TMEM236: variants seen among roughly 807,000 people sequenced by gnomAD.
The protein encoded by TMEM236 is transmembrane protein 236, also known as family with sequence similarity 23, member A.
A neutral mutation model predicts 14.7 loss-of-function variants in TMEM236; 11 were observed. The ratio of observed to expected loss-of-function variants is 0.75; its 90% CI spans 0.47 to 1.24. The LOEUF (loss-of-function observed/expected upper bound fraction) is 1.24, where lower values mean the gene tolerates loss of function less well. Ranked by LOEUF, TMEM236 falls within the 50% of genes most tolerant of loss-of-function variation. TMEM236 has a pLI of 0.00. For synonymous variants in TMEM236, 182 were observed against 168.6 expected, an observed-to-expected ratio of 1.08 and a Z score of -0.62; for missense variants, 464 against 427.3, an observed-to-expected ratio of 1.09 and a Z score of -0.76.
chr10:17,766,625 C>T (rs989759029), intron 1 of TMEM236, among the ~76,000 whole-genome samples: 3 of 152,184 alleles, frequency 2.0e-5, no homozygotes, highest in African/African-American at 7.2e-5. Flanking sequence ...AACTCCAAAG[C>T]CACTTCTACA....
intron 1 of TMEM236, among the ~76,000 whole-genome samples, chr10:17,768,760 T>TGTGG (rs1406545867): frequency 2.0e-4 from 30 of 151,470 alleles, no homozygotes; most frequent in African/African-American, 7.3e-4. Context: ...TGTGTGTGTG[T>TGTGG]GCCTGTATGT....
At chr10:17,766,107 T>C (rs1425946636) in intron 1 of TMEM236, among the ~76,000 whole-genome samples, 1 of 152,246 alleles carries the variant, frequency 6.6e-6, no homozygotes, top group Non-Finnish European at 1.5e-5. Context: ...AGCCTGAGAA[T>C]TTGTCAAATC....
chr10:17,778,669 G>A (rs1837696745), intron 3 of TMEM236, among the ~76,000 whole-genome samples: 1 of 152,152 alleles, frequency 6.6e-6, no homozygotes, highest in South Asian at 2.1e-4. Context: ...ATGCATACAT[G>A]TCTGTCAGCT....
At chr10:17,758,770 C>A (rs1837317014) in intron 1 of TMEM236, among the ~76,000 whole-genome samples, 1 of 151,952 alleles carries the variant, frequency 6.6e-6, no homozygotes, top group African/African-American at 2.4e-5. Flanking sequence ...AGTAATATTC[C>A]TCGATTTTGG....
Position 17,768,086 on chromosome 10 carries a change from G to GTTTTTTTTTTTTTTTTTTTTT in TMEM236, c.258-3221_258-3201dup, listed in dbSNP as rs879036347. ...CCACCACACCTCGCTAATTTTTGTG[G>GTTTTTTTTTTTTTTTTTTTTT]TTTTTTTTTTTTTTTTTTTTTTGTA... On this transcript the variant is annotated intron_variant, in intron 1 of 3. Transcript: ENST00000377495. Among the ~76,000 whole-genome samples the GTTTTTTTTTTTTTTTTTTTTT allele has an allele frequency of 5.1e-4, 47 of 92,010 alleles. 1 individual carries two copies. Among genetic ancestry groups the GTTTTTTTTTTTTTTTTTTTTT allele is most frequent in the Non-Finnish European group, 6.5e-4 (30 of 46,478 alleles). The allele number at this position is 92,010 out of a possible 152,430, so 60.4% of individuals were successfully genotyped here. A position where few individuals can be genotyped will look rare whatever the true frequency, so the allele number is the denominator to read the frequency against.
intron 3 of TMEM236, among the ~76,000 whole-genome samples, chr10:17,782,233 A>G (rs1262130401): frequency 2.0e-5 from 3 of 152,118 alleles, no homozygotes; most frequent in Admixed American, 6.6e-5. Context: ...TTTCTTTCCA[A>G]TGTTGCATTT....
Position 17,798,388 on chromosome 10 carries a change from A to C in TMEM236, c.*1884A>C. ...ATTCTACCTCTACAAAAAATACAAA[A>C]ATTAGCTGGGCATGGTGATCTGCAA... On this transcript the variant is annotated 3_prime_UTR_variant, in exon 4 of 4. Coordinates refer to ENST00000377495, the MANE Select transcript of TMEM236 (RefSeq NM_001098844.3). The C allele has an allele frequency of 2.8e-6, 1 of 360,848 alleles. No homozygotes were observed. Among genetic ancestry groups the C allele is most frequent in the South Asian group, 2.1e-5 (1 of 46,928 alleles). The allele number at this position is 360,848 out of a possible 1,614,324, so 22.4% of individuals were successfully genotyped here.
At chr10:17,754,437 AC>A (rs1837253685) in intron 1 of TMEM236, among the ~76,000 whole-genome samples, 1 of 151,810 alleles carries the variant, frequency 6.6e-6, no homozygotes, top group African/African-American at 2.4e-5. Context: ...TGATCCTCCT[AC>A]CTCGACCTCC....
At chr10:17,764,069 T>C (rs943798112) in intron 1 of TMEM236, among the ~76,000 whole-genome samples, 4 of 152,216 alleles carry the variant, frequency 2.6e-5, no homozygotes, top group Admixed American at 6.5e-5. Context: ...ATGTTAATAC[T>C]AGATTTTGGA....
intron 3 of TMEM236, among the ~76,000 whole-genome samples, chr10:17,787,842 A>C (rs1837864211): frequency 6.6e-6 from 1 of 152,170 alleles, no homozygotes; most frequent in African/African-American, 2.4e-5. Context: ...TCCATTATGC[A>C]TCAGTTTCTG....
intron 1 of TMEM236, 100 bp downstream of exon 1, chr10:17,752,652 C>A (rs1402993515): frequency 3.3e-6 from 4 of 1,207,988 alleles, no homozygotes; most frequent in Non-Finnish European, 4.9e-6. Context: ...CTGCAACGTC[C>A]GCCTCCTGGG....
chr10:17,798,577 C>T lies in TMEM236; in HGVS notation c.*2073C>T. The T allele has an allele frequency of 1.9e-6, 1 of 534,422 alleles. No individual in the cohort carries two copies. Among genetic ancestry groups the T allele is most frequent in the South Asian group, 1.4e-5 (1 of 71,574 alleles). The allele number at this position is 534,422 out of a possible 1,614,324, so 33.1% of individuals were successfully genotyped here. On this transcript the variant is annotated 3_prime_UTR_variant, in exon 4 of 4. Coordinates refer to ENST00000377495, the MANE Select transcript of TMEM236 (RefSeq NM_001098844.3). ...GAATTTGACGTTGTGTTATTCTACG[C>T]TCCACCAAATACCTCTCCCCTTGCC... is the stretch of plus-strand genomic sequence containing the variant.
intron 3 of TMEM236, among the ~76,000 whole-genome samples, chr10:17,792,355 T>C (rs2131767400): frequency 6.6e-6 from 1 of 152,344 alleles, no homozygotes; most frequent in East Asian, 1.9e-4. Flanking sequence ...CCCAAAGTGC[T>C]GGGATTACAG....
intron 3 of TMEM236, among the ~76,000 whole-genome samples, chr10:17,791,853 A>G (rs1471490960): frequency 6.6e-6 from 1 of 152,030 alleles, no homozygotes; most frequent in Admixed American, 6.6e-5. Context: ...TTATTATTCT[A>G]TATTTATTGG....
At chr10:17,780,568 G>A (rs1280531869) in intron 3 of TMEM236, among the ~76,000 whole-genome samples, 2 of 152,266 alleles carry the variant, frequency 1.3e-5, no homozygotes, top group African/African-American at 4.8e-5. Context: ...GGGTTTGCAG[G>A]AGTTTGTAGG....
chr10:17,791,897 T>C (rs1211244954), intron 3 of TMEM236, among the ~76,000 whole-genome samples: 3 of 152,202 alleles, frequency 2.0e-5, no homozygotes, highest in Non-Finnish European at 4.4e-5. Flanking sequence ...CATGAAGCTA[T>C]GAGCTACTTC....
chr10:17,799,962 CTA>C lies in TMEM236; in HGVS notation c.*3460_*3461del, dbSNP rs1279972729. 1.3e-5 allele frequency: 2 copies of C among 152,490 alleles called. No individual in the cohort carries two copies. Among genetic ancestry groups the C allele is most frequent in the African/African-American group, 4.8e-5 (2 of 41,400 alleles). The allele number at this position is 152,490 out of a possible 1,614,324, so 9.4% of individuals were successfully genotyped here. On this transcript the variant is annotated 3_prime_UTR_variant, in exon 4 of 4. Coordinates refer to ENST00000377495, the MANE Select transcript of TMEM236 (RefSeq NM_001098844.3). ...GTATACATGTTTATAGACTGCAAGT[CTA>C]TGGGATTTAATAGATATTACAGCAA...
At position 17,752,323 on chromosome 10, in the gene TMEM236, G is replaced by T; in HGVS notation, c.28G>T (p.Val10Leu). MASGRLIKFVVFELLEFAAF... is the reference protein window; with the variant it reads MASGRLIKFLVFELLEFAAF... ...GGCTTCTGGAAGGCTCATTAAGTTC[G>T]TGGTTTTTGAGCTCCTAGAGTTTGC... The change falls in exon 1 of 4, where the codon GTG becomes TTG. Residue 10 changes from valine to leucine, a missense_variant. Transcript: ENST00000377495. 6.2e-7 allele frequency: 1 copy of T among 1,613,884 alleles called. No homozygotes were observed. Among genetic ancestry groups the T allele is most frequent in the Non-Finnish European group, 8.5e-7 (1 of 1,179,844 alleles).
intron 3 of TMEM236, among the ~76,000 whole-genome samples, chr10:17,794,083 A>C (rs1345892559): frequency 6.6e-6 from 1 of 152,056 alleles, no homozygotes; most frequent in African/African-American, 2.4e-5. Flanking sequence ...TCACACTTAA[A>C]CTTTAAAACT....
Sources: gnomAD v4.1 joint callset for allele counts (sites outside exome capture counted in the v4.1 genomes callset) on GRCh38, gnomAD v4.1.1 for gene constraint, MANE v1.5 for transcripts, NCBI Gene and HGNC (gene_info 2026-07-23, HGNC 2026-07-21) for gene names.